Variants in CHRDL1 observed in about 807,000 individuals in gnomAD.
The protein encoded by CHRDL1 is chordin like 1, also known as chordin-like protein 1.
In CHRDL1, 19 loss-of-function variants were observed where a neutral mutation model predicts 40.9. The observed-to-expected ratio is 0.46, with a 90% CI of 0.32 to 0.68. CHRDL1 has a LOEUF of 0.68. Among genes scored for constraint, CHRDL1 ranks in the 30% least tolerant of loss-of-function variants. The pLI is 0.03. For missense variants in CHRDL1, 329 were observed against 352.1 expected (o/e 0.93, Z 0.53); for synonymous variants, 136 against 123.4 (o/e 1.10, Z -0.68).
At chrX:110,777,704 T>A (rs946223671) in intron 2 of CHRDL1, among the ~76,000 whole-genome samples, 3 of 111,984 alleles carry the variant, frequency 2.7e-5, no homozygotes, top group Admixed American at 1.9e-4. Flanking sequence ...TAGAGCTGTT[T>A]GTGTTCTTAT....
At position 110,722,331 on chromosome X, in the gene CHRDL1, T is replaced by G. The variant is rs180785857; in HGVS notation, c.302-801A>C. On this transcript the variant is annotated intron_variant, in intron 4 of 11. Transcript: ENST00000372042. ...ATTTTAAATCACTTTTGTGCTTATC[T>G]GTTTGTTCCAGCCTCTGTGGTTTTG... is the stretch of plus-strand genomic sequence containing the variant. Among the ~76,000 whole-genome samples, 298 of 110,912 alleles carry G rather than the reference T, an allele frequency of 2.7e-3. 1 individual carries two copies. Among genetic ancestry groups the G allele is most frequent in the Non-Finnish European group, 4.7e-3 (248 of 52,875 alleles).
intron 2 of CHRDL1, among the ~76,000 whole-genome samples, chrX:110,784,551 A>G (rs944693876): frequency 4.6e-5 from 5 of 109,223 alleles, no homozygotes; most frequent in South Asian, 8.2e-4. Context: ...AGCTGAGATT[A>G]CAGGCACCCG....
intron 11 of CHRDL1, among the ~76,000 whole-genome samples, chrX:110,679,069 A>G (rs1251617885): frequency 2.7e-5 from 3 of 111,635 alleles, no homozygotes; most frequent in Non-Finnish European, 5.6e-5. Context: ...TAGCAGTTTC[A>G]TTAAAGACAT....
chrX:110,719,899 A>G lies in CHRDL1; in HGVS notation c.477T>C (p.Thr159=). ...GGAAGGCACAGGTTAATTTGGGGCA[A>G]GTCTTGAGACCACAATACACGTTTC... ...SEGNVYCGLK[T]CPKLTCAFPV... Residue 159 remains threonine (T), a synonymous_variant, in exon 6 of 12, where the codon ACT becomes ACC. Transcript: ENST00000372042. 1 of 1,201,551 alleles carries G rather than the reference A, an allele frequency of 8.3e-7. No individual in the cohort carries two copies. Among genetic ancestry groups the G allele is most frequent in the Non-Finnish European group, 1.1e-6 (1 of 886,806 alleles).
At chrX:110,695,346 A>G (rs960269538) in intron 7 of CHRDL1, among the ~76,000 whole-genome samples, 3 of 111,821 alleles carry the variant, frequency 2.7e-5, no homozygotes, top group African/African-American at 9.7e-5. Context: ...GAAGGTGTTC[A>G]TCAAATACTT....
chrX:110,718,803 A>G (rs979448335), intron 6 of CHRDL1, among the ~76,000 whole-genome samples: 1 of 111,856 alleles, frequency 8.9e-6, no homozygotes, highest in Non-Finnish European at 1.9e-5. Flanking sequence ...ACGTTTGCTT[A>G]TTATTTGTCT....
chrX:110,695,227 T>G (rs1209075085), intron 7 of CHRDL1, among the ~76,000 whole-genome samples: 1 of 111,391 alleles, frequency 9.0e-6, no homozygotes, highest in African/African-American at 3.3e-5. Flanking sequence ...ATTTTATAGG[T>G]AGAAGAATTG....
chrX:110,680,295 G>C (rs1476051220), intron 10 of CHRDL1, among the ~76,000 whole-genome samples: 1 of 111,943 alleles, frequency 8.9e-6, no homozygotes, highest in African/African-American at 3.3e-5. Flanking sequence ...CTAGTCCTAG[G>C]TGTCCTGTTA....
chrX:110,785,576 T>TAAAC (rs1184034273), intron 2 of CHRDL1, among the ~76,000 whole-genome samples: 1 of 111,678 alleles, frequency 9.0e-6, no homozygotes, highest in African/African-American at 3.2e-5. Flanking sequence ...TATAAATAAA[T>TAAAC]AAACAAACCC....
intron 9 of CHRDL1, among the ~76,000 whole-genome samples, chrX:110,681,873 G>A (rs957962164): frequency 1.8e-5 from 2 of 112,460 alleles, no homozygotes; most frequent in African/African-American, 3.2e-5. Context: ...AAAGGAGCAC[G>A]TAACTTTGAT....
At chrX:110,763,558 T>C (rs1976004) in intron 2 of CHRDL1, among the ~76,000 whole-genome samples, 6,922 of 105,532 alleles carry the variant, frequency 0.066, 540 homozygotes, top group African/African-American at 0.21. Flanking sequence ...TATATATATA[T>C]ACACACACAT....
At chrX:110,781,908 T>C (rs904063803) in intron 2 of CHRDL1, among the ~76,000 whole-genome samples, 1 of 112,261 alleles carries the variant, frequency 8.9e-6, no homozygotes, top group East Asian at 2.8e-4. Context: ...CGCTTCAGTA[T>C]ATGTGAGTTC....
chrX:110,779,529 G>C (rs2089907163), intron 2 of CHRDL1, among the ~76,000 whole-genome samples: 1 of 111,316 alleles, frequency 9.0e-6, no homozygotes, highest in South Asian at 3.7e-4. Context: ...GTCTATTTCT[G>C]GGCTCTCTAT....
chrX:110,761,148 A>T (rs146432622), intron 3 of CHRDL1, among the ~76,000 whole-genome samples: 3,099 of 111,742 alleles, frequency 0.028, 102 homozygotes, highest in African/African-American at 0.095. Context: ...AACCATATGA[A>T]ATGGTAATAT....
chrX:110,711,737 C>T, intron 6 of CHRDL1, among the ~76,000 whole-genome samples: 1 of 111,808 alleles, frequency 8.9e-6, no homozygotes, highest in Non-Finnish European at 1.9e-5. Context: ...CTGAAGATCC[C>T]GGATTCTAGC....
intron 6 of CHRDL1, among the ~76,000 whole-genome samples, chrX:110,701,647 C>G (rs1323346481): frequency 9.0e-6 from 1 of 111,209 alleles, no homozygotes; most frequent in Non-Finnish European, 1.9e-5. Flanking sequence ...GACCCTGTCT[C>G]TACAGAAAAT....
chrX:110,793,254 A>G (rs1489346100), intron 1 of CHRDL1, among the ~76,000 whole-genome samples: 2 of 112,484 alleles, frequency 1.8e-5, no homozygotes, highest in East Asian at 2.8e-4. Flanking sequence ...GGAGAGTTGA[A>G]TATCTTTGGG....
intron 3 of CHRDL1, among the ~76,000 whole-genome samples, chrX:110,761,407 G>T (rs2089561062): frequency 1.8e-5 from 2 of 112,098 alleles, no homozygotes; most frequent in African/African-American, 6.5e-5. Context: ...TCCTGCTCTA[G>T]CTGGGCATGA....
At chrX:110,696,325 A>G (rs1359137273) in intron 7 of CHRDL1, among the ~76,000 whole-genome samples, 2 of 111,370 alleles carry the variant, frequency 1.8e-5, no homozygotes, top group Non-Finnish European at 3.8e-5. Flanking sequence ...TGATGAAAAA[A>G]CAAAATCCTC....
Sources: allele counts gnomAD v4.1 joint callset (sites outside exome capture counted in the v4.1 genomes callset), GRCh38; gene constraint gnomAD v4.1.1; transcripts MANE v1.5; gene names NCBI Gene and HGNC (gene_info 2026-07-23, HGNC 2026-07-21).